Variants in COL9A1 observed in about 807,000 individuals in gnomAD.
COL9A1 encodes collagen alpha-1(IX) chain.
Under a neutral mutation model 142.6 loss-of-function variants are expected in COL9A1, and 104 were observed. The observed-to-expected ratio is 0.73, with a 90% CI of 0.62 to 0.86. COL9A1 has a LOEUF of 0.86. Among genes scored for constraint, COL9A1 ranks in the 40% least tolerant of loss-of-function variants. COL9A1 has a pLI of 0.00. For missense variants in COL9A1, 1,210 were observed against 1,176.6 expected (o/e 1.03, Z -0.42); for synonymous variants, 466 against 396.0 (o/e 1.18, Z -2.10).
At chr6:70,264,060 C>T (rs115508899) in intron 18 of COL9A1, among the ~76,000 whole-genome samples, 1,558 of 151,964 alleles carry the variant, frequency 0.01, 34 homozygotes, top group African/African-American at 0.035. Flanking sequence ...TAAATTGTTA[C>T]TGGCTCTAAA....
chr6:70,234,073 A>T (rs970556241), intron 35 of COL9A1, among the ~76,000 whole-genome samples: 1 of 152,248 alleles, frequency 6.6e-6, no homozygotes, highest in Non-Finnish European at 1.5e-5. Flanking sequence ...ACATATGTGT[A>T]CATGAATGGC....
In COL9A1 at chr6:70,274,056, A is replaced by G; in HGVS notation, c.1056T>C (p.Arg352=). 1 of 1,564,416 alleles carries G rather than the reference A, an allele frequency of 6.4e-7. No individual in the cohort carries two copies. Among genetic ancestry groups the G allele is most frequent in the Non-Finnish European group, 8.7e-7 (1 of 1,152,340 alleles). The change falls in exon 12 of 38, where the codon CGT becomes CGC. Residue 352 remains arginine, a synonymous_variant. Coordinates refer to ENST00000357250, the MANE Select transcript of COL9A1 (RefSeq NM_001851.6). Reference sequence around the variant, plus strand: ...CTTTACATTTACTTACTGGAAATCCACGCGATCCAGGCACACCAGGTTCTC... The same window carrying G: ...CTTTACATTTACTTACTGGAAATCCGCGCGATCCAGGCACACCAGGTTCTC... ...QKGEPGVPGS[R]GFPGRGIPGP...
chr6:70,230,051 C>A (rs1254763291), intron 36 of COL9A1, among the ~76,000 whole-genome samples: 4 of 152,126 alleles, frequency 2.6e-5, no homozygotes, highest in African/African-American at 9.7e-5. Flanking sequence ...AGATTCATAC[C>A]ATCCCTTCTT....
At chr6:70,242,539 T>C in intron 29 of COL9A1, 123 bp downstream of exon 29, 2 of 885,252 alleles carry the variant, frequency 2.3e-6, no homozygotes, top group East Asian at 2.5e-5. Flanking sequence ...ATTGTTCTCA[T>C]ATTCACATAA....
At chr6:70,296,375 T>C (rs1034380224) in intron 4 of COL9A1, among the ~76,000 whole-genome samples, 34 of 152,130 alleles carry the variant, frequency 2.2e-4, no homozygotes, top group African/African-American at 8.0e-4. Flanking sequence ...TCACTACCTA[T>C]GTTTTATATC....
At chr6:70,262,353 C>G (rs1045289019) in intron 19 of COL9A1, among the ~76,000 whole-genome samples, 3 of 152,156 alleles carry the variant, frequency 2.0e-5, no homozygotes, top group Admixed American at 6.5e-5. Context: ...TCTTCCAGAT[C>G]CTCTGACTTA....
intron 12 of COL9A1, 62 bp downstream of exon 12, chr6:70,273,985 C>T: frequency 1.0e-6 from 1 of 956,646 alleles, no homozygotes; most frequent in South Asian, 2.6e-5. Flanking sequence ...AAAGATTTCA[C>T]AATGGCAGAA....
intron 35 of COL9A1, among the ~76,000 whole-genome samples, chr6:70,233,282 A>T (rs759292604): frequency 1.2e-4 from 19 of 152,204 alleles, no homozygotes; most frequent in Non-Finnish European, 2.8e-4. Flanking sequence ...TATAAACTGA[A>T]ATATCCCCAG....
chr6:70,242,076 C>A (rs1007681680), intron 29 of COL9A1, 41 bp from the exon 30 acceptor site: 21 of 1,525,750 alleles, frequency 1.4e-5, no homozygotes, highest in Non-Finnish European at 1.8e-5. Flanking sequence ...ACTGTCACTG[C>A]AACACTGAAA....
intron 25 of COL9A1, among the ~76,000 whole-genome samples, chr6:70,254,237 A>G (rs546634723): frequency 5.3e-5 from 8 of 152,314 alleles, no homozygotes; most frequent in South Asian, 2.1e-4. Flanking sequence ...GAGTAAACTA[A>G]AGAGAGAAAA....
rs1432311126 is a variant in COL9A1, at chr6:70,268,871, G to A, written c.1231-11C>T. The A allele has an allele frequency of 1.9e-6, 3 of 1,613,346 alleles. No homozygotes were observed. In the African/African-American group the frequency reaches 4.0e-5, roughly 22 times the overall value. On this transcript the variant is annotated splice_polypyrimidine_tract_variant and intron_variant, in intron 16 of 37. Transcript: ENST00000357250. ...ACAGGCATTGGGACACTGCCAGGGA[G>A]AGAGGGAACAAAGAGAAAGAAAGAC...
Position 70,280,830 on chromosome 6 carries a change from A to G in COL9A1, c.957T>C (p.Pro319=). Residue 319 remains proline, a synonymous_variant, in exon 10 of 38, where the codon CCT becomes CCC. Transcript: ENST00000357250. ...TACTCACATCAGCGCCAGGTGTGCC[A>G]GGCTTGCCTGGAGCTCCTGGCTTTC... The part of the protein sequence containing the change: ...EPGKPGAPGK[P]GTPGADGLTG... 6.2e-7 allele frequency: 1 copy of G among 1,612,986 alleles called. No individual in the cohort carries two copies. The highest frequency in any genetic ancestry group is 8.5e-7 in the Non-Finnish European group (1 of 1,179,738).
chr6:70,258,433 G>T (rs941285547), intron 20 of COL9A1: 3 of 152,114 alleles, frequency 2.0e-5, no homozygotes, highest in Non-Finnish European at 2.9e-5. Context: ...ATGATAGAAG[G>T]TTCAGACATA....
At chr6:70,217,158 A>T (rs1328220236) in intron 37 of COL9A1, 77 bp from the exon 38 acceptor site, 2 of 1,462,452 alleles carry the variant, frequency 1.4e-6, no homozygotes, top group African/African-American at 1.4e-5. Context: ...ATGGCTCAGC[A>T]GCGCTCAGAT....
Position 70,299,994 on chromosome 6 carries a change from T to C in COL9A1, c.299+49A>G, listed in dbSNP as rs769882720. 1.7e-5 allele frequency: 26 copies of C among 1,548,960 alleles called. No homozygotes were observed. In the African/African-American group the frequency reaches 1.9e-4, roughly 11 times the overall value. ...CTAACATTGGATAGCTATCCATTTT[T>C]AATGCATTTGAGTCAGATAATTAGA... On this transcript the variant is annotated intron_variant, in intron 4 of 37. Coordinates refer to ENST00000357250, the MANE Select transcript of COL9A1 (RefSeq NM_001851.6).
intron 18 of COL9A1, among the ~76,000 whole-genome samples, chr6:70,265,248 A>T (rs1421473843): frequency 1.3e-5 from 2 of 152,138 alleles, no homozygotes; most frequent in African/African-American, 4.8e-5. Flanking sequence ...CATCTGGATT[A>T]ACAGCTCCAT....
chr6:70,254,350 A>C (rs1245221813), intron 25 of COL9A1, 126 bp downstream of exon 25: 3 of 790,130 alleles, frequency 3.8e-6, no homozygotes, highest in Non-Finnish European at 6.1e-6. Flanking sequence ...AAATTGTAAA[A>C]ATGTAAAAGT....
chr6:70,239,527 G>A (rs930140165), intron 32 of COL9A1, among the ~76,000 whole-genome samples: 1 of 152,308 alleles, frequency 6.6e-6, no homozygotes, highest in East Asian at 1.9e-4. Context: ...TAAATAAAAG[G>A]GTTGAATCAG....
intron 35 of COL9A1, 100 bp downstream of exon 35, chr6:70,234,439 C>T: frequency 7.8e-7 from 1 of 1,277,976 alleles, no homozygotes; most frequent in Non-Finnish European, 1.1e-6. Context: ...TTAAGGCACA[C>T]AAAAAGTCAC....
Sources: allele counts gnomAD v4.1 joint callset (sites outside exome capture counted in the v4.1 genomes callset), GRCh38; gene constraint gnomAD v4.1.1; transcripts MANE v1.5; gene names NCBI Gene and HGNC (gene_info 2026-07-23, HGNC 2026-07-21).